Variants in KCND2 observed in about 807,000 individuals in gnomAD.
KCND2 encodes the protein A-type voltage-gated potassium channel KCND2.
Under a neutral mutation model 54.4 loss-of-function variants are expected in KCND2, and 16 were observed. That is an observed-to-expected ratio of 0.29 (90% confidence interval 0.20 to 0.45). The LOEUF is 0.45. KCND2 is among the 20% of genes least tolerant of loss of function. The pLI, the probability that KCND2 is intolerant of heterozygous loss-of-function variation, is 1.00. For synonymous variants in KCND2, 317 were observed against 310.7 expected (o/e 1.02, Z -0.21); for missense variants, 486 against 824.2 (o/e 0.59, Z 5.02).
rs187799101 is a variant in KCND2, at chr7:120,631,417, C to G, written c.1116-101486C>G. Among the ~76,000 whole-genome samples, 75 of 152,136 alleles carry G rather than the reference C, an allele frequency of 4.9e-4. 1 individual carries two copies. Among genetic ancestry groups the G allele is most frequent in the South Asian group, 3.5e-3 (17 of 4,810 alleles). On this transcript the variant is annotated intron_variant, in intron 1 of 5. Transcript: ENST00000331113. ...TTTAAAAAATAAAATTGTAGGGACT[C>G]ATTACTTTGTGAAGGCTTAAGATAA...
At chr7:120,498,979 A>T (rs754159483) in intron 1 of KCND2, among the ~76,000 whole-genome samples, 1 of 152,128 alleles carries the variant, frequency 6.6e-6, no homozygotes, top group South Asian at 2.1e-4. Context: ...GTAAAATATT[A>T]ATATATTATA....
intron 1 of KCND2, among the ~76,000 whole-genome samples, chr7:120,406,753 T>C (rs7810837): frequency 0.32 from 48,985 of 151,710 alleles, 10,933 homozygotes; most frequent in African/African-American, 0.62. Context: ...TTAAGAAGTG[T>C]GAGAAATGCC....
At chr7:120,403,287 A>T (rs2116086053) in intron 1 of KCND2, among the ~76,000 whole-genome samples, 1 of 151,758 alleles carries the variant, frequency 6.6e-6, no homozygotes, top group African/African-American at 2.4e-5. Flanking sequence ...TGGCCCAGAA[A>T]TTTAGTCAAA....
At chr7:120,576,789 A>C (rs2116435329) in intron 1 of KCND2, among the ~76,000 whole-genome samples, 1 of 152,276 alleles carries the variant, frequency 6.6e-6, no homozygotes, top group East Asian at 1.9e-4. Flanking sequence ...TTACTGTTTT[A>C]CTCTTTTAAG....
intron 1 of KCND2, among the ~76,000 whole-genome samples, chr7:120,538,728 C>T (rs986984652): frequency 3.3e-5 from 5 of 152,132 alleles, no homozygotes; most frequent in Admixed American, 6.5e-5. Flanking sequence ...AGACTAACCT[C>T]GGCCCTATAA....
intron 1 of KCND2, among the ~76,000 whole-genome samples, chr7:120,461,562 A>G (rs1391573308): frequency 6.6e-6 from 1 of 152,018 alleles, no homozygotes; most frequent in East Asian, 1.9e-4. Context: ...CACCATGTGT[A>G]TGATTTGAGA....
intron 1 of KCND2, among the ~76,000 whole-genome samples, chr7:120,536,404 G>A (rs1387382258): frequency 1.3e-5 from 2 of 152,074 alleles, no homozygotes; most frequent in Non-Finnish European, 2.9e-5. Context: ...TTAGAATAAC[G>A]CAGCAATGAA....
intron 5 of KCND2, 134 bp downstream of exon 5, chr7:120,746,161 G>T (rs936762750): frequency 1.0e-6 from 1 of 978,770 alleles, no homozygotes; most frequent in African/African-American, 1.6e-5. Flanking sequence ...AAATGGTAGC[G>T]TAACAAGTAG....
chr7:120,678,412 T>G (rs148905092), intron 1 of KCND2, among the ~76,000 whole-genome samples: 3,587 of 138,058 alleles, frequency 0.026, 113 homozygotes, highest in East Asian at 0.23. Flanking sequence ...CACATATATA[T>G]ACACATACAC....
intron 1 of KCND2, among the ~76,000 whole-genome samples, chr7:120,410,819 A>T (rs1224452863): frequency 1.3e-5 from 2 of 151,524 alleles, no homozygotes; most frequent in Non-Finnish European, 2.9e-5. Flanking sequence ...TCCTTGTAAT[A>T]GTTTGCTCCA....
At chr7:120,513,844 A>G (rs1270790321) in intron 1 of KCND2, among the ~76,000 whole-genome samples, 1 of 152,086 alleles carries the variant, frequency 6.6e-6, no homozygotes, top group Non-Finnish European at 1.5e-5. Flanking sequence ...TATCCATCCA[A>G]AGGTCCTACA....
chr7:120,481,934 AG>A (rs1358042375), intron 1 of KCND2, among the ~76,000 whole-genome samples: 2 of 152,180 alleles, frequency 1.3e-5, no homozygotes, highest in East Asian at 3.9e-4. Flanking sequence ...AATTCTCATT[AG>A]GGTAAAACTC....
chr7:120,437,295 G>A (rs761124318), intron 1 of KCND2, among the ~76,000 whole-genome samples: 3 of 146,438 alleles, frequency 2.0e-5, no homozygotes, highest in African/African-American at 5.1e-5. Flanking sequence ...CTCTGCCTCC[G>A]AGATGCAAGC....
intron 1 of KCND2, among the ~76,000 whole-genome samples, chr7:120,626,711 A>G (rs1345679739): frequency 6.6e-6 from 1 of 152,192 alleles, no homozygotes; most frequent in Non-Finnish European, 1.5e-5. Flanking sequence ...AATCTGATTC[A>G]CTGCATGACC....
At chr7:120,315,184 A>G (rs1799795583) in intron 1 of KCND2, among the ~76,000 whole-genome samples, 1 of 152,128 alleles carries the variant, frequency 6.6e-6, no homozygotes, top group Non-Finnish European at 1.5e-5. Context: ...CTCTCTGAGC[A>G]TTTCATTAGG....
At chr7:120,474,518 T>G (rs1802505655) in intron 1 of KCND2, among the ~76,000 whole-genome samples, 1 of 149,640 alleles carries the variant, frequency 6.7e-6, no homozygotes, top group Admixed American at 6.6e-5. Context: ...TCTTTTTCTT[T>G]ACTTTTTTTT....
chr7:120,606,535 T>C (rs1235297628), intron 1 of KCND2, among the ~76,000 whole-genome samples: 1 of 152,114 alleles, frequency 6.6e-6, no homozygotes, highest in East Asian at 1.9e-4. Flanking sequence ...ATTTGATCTA[T>C]ATTGAGTTAA....
At chr7:120,640,297 T>C (rs2116528903) in intron 1 of KCND2, among the ~76,000 whole-genome samples, 1 of 152,322 alleles carries the variant, frequency 6.6e-6, no homozygotes, top group Admixed American at 6.5e-5. Flanking sequence ...TGTTTGATGT[T>C]AATGTGAATG....
At chr7:120,659,193 A>C (rs1791838064) in intron 1 of KCND2, among the ~76,000 whole-genome samples, 1 of 152,150 alleles carries the variant, frequency 6.6e-6, no homozygotes, top group South Asian at 2.1e-4. Flanking sequence ...AACTCAAGAG[A>C]CTTCACAGTT....
Sources: gnomAD v4.1 joint callset for allele counts (sites outside exome capture counted in the v4.1 genomes callset) on GRCh38, gnomAD v4.1.1 for gene constraint, MANE v1.5 for transcripts, NCBI Gene and HGNC (gene_info 2026-07-23, HGNC 2026-07-21) for gene names.